The following UPRT variants were observed in gnomAD, a reference collection of about 807,000 sequenced individuals.
UPRT encodes uracil phosphoribosyltransferase homolog.
Under a neutral mutation model 22.6 loss-of-function variants are expected in UPRT, and 5 were observed. The ratio of observed to expected loss-of-function variants is 0.22; its 90% CI spans 0.12 to 0.47. The LOEUF (loss-of-function observed/expected upper bound fraction) is 0.47. Ranked by LOEUF, UPRT falls within the 20% of genes least tolerant of loss-of-function variation. The probability of loss-of-function intolerance (pLI) is 0.99; values close to 1 mark genes in which losing one functional copy is unlikely to be tolerated. For missense variants in UPRT, 181 were observed against 239.9 expected, an observed-to-expected ratio of 0.75 and a Z score of 1.62; for synonymous variants, 77 against 87.7, an observed-to-expected ratio of 0.88 and a Z score of 0.68.
chrX:75,301,623 A>T (rs2082744568), intron 6 of UPRT, among the ~76,000 whole-genome samples: 1 of 112,073 alleles, frequency 8.9e-6, no homozygotes, highest in African/African-American at 3.2e-5. Context: ...AATAAATAAT[A>T]TATATTCAAA....
At chrX:75,161,927 C>T (rs2082201089) in intron 2 of UPRT, among the ~76,000 whole-genome samples, 1 of 110,897 alleles carries the variant, frequency 9.0e-6, no homozygotes, top group Admixed American at 9.6e-5. Context: ...AAACAGTGAC[C>T]CAGCTTTATC....
chrX:75,267,427 G>A (rs1003117563), intron 4 of UPRT, among the ~76,000 whole-genome samples: 11 of 111,518 alleles, frequency 9.9e-5, no homozygotes, highest in Non-Finnish European at 1.7e-4. Context: ...GGCCTGTCGT[G>A]GGGTGTGTGA....
rs1261061733 is a variant in UPRT at position 75,303,761 on chromosome X, C to T, written c.*250C>T. On this transcript the variant is annotated 3_prime_UTR_variant, in exon 7 of 7. Coordinates refer to ENST00000373383, the MANE Select transcript of UPRT (RefSeq NM_145052.4). The stretch of plus-strand genomic sequence containing the variant: ...TAATATTCTAATGCAAATTACTGAA[C>T]CCTCAGTGCATTAAAATTATTTCCT... The T allele has an allele frequency of 9.9e-6, 2 of 201,857 alleles. No individual in the cohort carries two copies. Among genetic ancestry groups the T allele is most frequent in the Admixed American group, 7.6e-5 (1 of 13,193 alleles). The allele number at this position is 201,857 out of a possible 1,213,427, so 16.6% of individuals were successfully genotyped here. A position where few individuals can be genotyped will look rare whatever the true frequency, so the allele number is the denominator to read the frequency against.
chrX:75,286,099 G>A (rs1249172638), intron 1 of UPRT, among the ~76,000 whole-genome samples: 4 of 110,779 alleles, frequency 3.6e-5, no homozygotes, highest in African/African-American at 1.3e-4. Flanking sequence ...AGCTTTTTTT[G>A]TTGTACTTTC....
intron 4 of UPRT, among the ~76,000 whole-genome samples, chrX:75,257,649 A>T (rs1408313942): frequency 8.9e-6 from 1 of 111,905 alleles, no homozygotes; most frequent in Non-Finnish European, 1.9e-5. Context: ...TAGAACTGAT[A>T]AAAGAATTCA....
At chrX:75,212,792 G>A (rs1007745358) in intron 4 of UPRT, among the ~76,000 whole-genome samples, 4 of 111,096 alleles carry the variant, frequency 3.6e-5, no homozygotes, top group African/African-American at 9.8e-5. Flanking sequence ...CCTGTCAGGG[G>A]TGTGGGGGAG....
chrX:75,171,422 T>A (rs1223506547), intron 4 of UPRT, among the ~76,000 whole-genome samples: 2 of 111,600 alleles, frequency 1.8e-5, no homozygotes, highest in Non-Finnish European at 3.8e-5. Flanking sequence ...TTTCTTGAAG[T>A]TGTGATTGTT....
chrX:75,239,031 G>C (rs1198822773), intron 4 of UPRT, among the ~76,000 whole-genome samples: 1 of 111,196 alleles, frequency 9.0e-6, no homozygotes, highest in Non-Finnish European at 1.9e-5. Context: ...CAAACAGACA[G>C]CTAAGCTCAC....
At chrX:75,262,767 T>C (rs2082573140) in intron 4 of UPRT, among the ~76,000 whole-genome samples, 1 of 111,908 alleles carries the variant, frequency 8.9e-6, no homozygotes, top group Non-Finnish European at 1.9e-5. Context: ...ATCCTAAATA[T>C]ATATGAATCT....
chrX:75,249,207 A>G (rs1246088868), intron 4 of UPRT, among the ~76,000 whole-genome samples: 1 of 111,681 alleles, frequency 9.0e-6, no homozygotes, highest in East Asian at 2.8e-4. Context: ...CACACATAAC[A>G]ATATTAACCT....
chrX:75,266,728 C>T (rs771586146), intron 4 of UPRT, among the ~76,000 whole-genome samples: 2 of 110,495 alleles, frequency 1.8e-5, no homozygotes, highest in South Asian at 3.8e-4. Context: ...TACAAATAAC[C>T]GAAACACATT....
intron 3 of UPRT, among the ~76,000 whole-genome samples, chrX:75,163,734 T>G (rs916288957): frequency 8.9e-6 from 1 of 112,253 alleles, no homozygotes; most frequent in Non-Finnish European, 1.9e-5. Context: ...ATCCATACAA[T>G]AAAATTGCTA....
intron 4 of UPRT, among the ~76,000 whole-genome samples, chrX:75,214,799 G>C (rs1369395153): frequency 1.8e-5 from 2 of 111,328 alleles, no homozygotes; most frequent in East Asian, 5.6e-4. Context: ...TGCAGTTCCA[G>C]CTCCTCAGGA....
At chrX:75,281,578 A>G (rs1396577537) in intron 1 of UPRT, among the ~76,000 whole-genome samples, 1 of 111,890 alleles carries the variant, frequency 8.9e-6, no homozygotes, top group African/African-American at 3.2e-5. Context: ...ATTGACTTGC[A>G]TACATTAAAC....
At position 75,267,273 on chromosome X, in the gene UPRT, G is replaced by T. The variant is rs781496090; in HGVS notation, c.-446-23751G>T. 3.5e-4 allele frequency among the ~76,000 whole-genome samples: 39 copies of T among 111,818 alleles called. No homozygotes were observed. In the Admixed American group the frequency reaches 3.6e-3, roughly 10 times the overall value. On this transcript the variant is annotated intron_variant, in intron 4 of 13. Coordinates refer to the UPRT transcript ENST00000652605. The stretch of plus-strand genomic sequence containing the variant: ...AAAAAAGGATGAGCTCATGACCTTT[G>T]TAGGGACACGGATGAAGCTGGAAAC...
chrX:75,182,422 G>C (rs1176697580), intron 4 of UPRT, among the ~76,000 whole-genome samples: 1 of 111,686 alleles, frequency 9.0e-6, no homozygotes, highest in Non-Finnish European at 1.9e-5. Context: ...AATAGTTTTA[G>C]TTGAAATGGT....
chrX:75,293,962 C>T (rs1193303000), intron 2 of UPRT, among the ~76,000 whole-genome samples: 1 of 111,255 alleles, frequency 9.0e-6, no homozygotes, highest in Admixed American at 9.6e-5. Flanking sequence ...CTGTACTAGC[C>T]TTCACATGTG....
chrX:75,246,502 C>A (rs1268573619), intron 4 of UPRT, among the ~76,000 whole-genome samples: 1 of 110,720 alleles, frequency 9.0e-6, no homozygotes, highest in Non-Finnish European at 1.9e-5. Context: ...TCCAGTCTAT[C>A]ATTGATGGAC....
chrX:75,224,940 C>G (rs1268192073), intron 4 of UPRT, among the ~76,000 whole-genome samples: 2 of 111,592 alleles, frequency 1.8e-5, no homozygotes, highest in East Asian at 5.6e-4. Flanking sequence ...CTTTCTCTCA[C>G]TCTCCCCACA....
Sources: allele counts gnomAD v4.1 joint callset (sites outside exome capture counted in the v4.1 genomes callset), GRCh38; gene constraint gnomAD v4.1.1; transcripts MANE v1.5; gene names NCBI Gene and HGNC (gene_info 2026-07-23, HGNC 2026-07-21).